The following USP36 variants were observed in gnomAD, a reference collection of about 807,000 sequenced individuals.
USP36 encodes the protein ubiquitin carboxyl-terminal hydrolase 36.
In USP36, 59 loss-of-function variants were observed where a neutral mutation model predicts 111.5. The observed-to-expected ratio is 0.53, with a 90% CI of 0.43 to 0.66. USP36 has a LOEUF of 0.66. Among genes scored for constraint, USP36 ranks in the 30% least tolerant of loss-of-function variants. USP36 has a pLI of 0.00. For missense variants in USP36, 1,488 were observed against 1,468.0 expected (o/e 1.01, Z -0.22); for synonymous variants, 628 against 581.0 (o/e 1.08, Z -1.16).
chr17:78,792,446 C>T (rs983580628), downstream of USP36, among the ~76,000 whole-genome samples: 2 of 152,110 alleles, frequency 1.3e-5, no homozygotes, highest in African/African-American at 2.4e-5. Context: ...ACTACAGTTC[C>T]TTCCCACTCT....
At chr17:78,840,223 CCCCAGG>C (rs1392906853) in intron 1 of USP36, 1 of 152,448 alleles carries the variant, frequency 6.6e-6, no homozygotes, top group Non-Finnish European at 1.5e-5. Context: ...GCCACTCCAG[CCCCAGG>C]CCCAGGACCC....
chr17:78,835,260 T>C lies in USP36; in HGVS notation c.475+20A>G, dbSNP rs751034921. ...TCCAGAGGACCCACAGCCACCCCAC[T>C]GCTGCAAACCCACACTCACAGCTGC... On this transcript the variant is annotated intron_variant, in intron 4 of 20. Transcript: ENST00000449938. The C allele has an allele frequency of 2.5e-6, 4 of 1,611,720 alleles. No homozygotes were observed. The highest frequency in any genetic ancestry group is 3.4e-6 in the Non-Finnish European group (4 of 1,178,972).
chr17:78,828,803 A>T, intron 5 of USP36, 94 bp downstream of exon 5: 1 of 1,281,708 alleles, frequency 7.8e-7, no homozygotes, highest in Non-Finnish European at 1.1e-6. Flanking sequence ...CCAGGAATTT[A>T]AGACCAGCCT....
In USP36 at chr17:78,798,413, G is replaced by C. The variant is rs1312198556; in HGVS notation, c.*7C>G. ...CTCGGAACCGACCTCCTTCCACAGG[G>C]GCACAGTCAGCGGCGATAGCTGAGG... On this transcript the variant is annotated 3_prime_UTR_variant, in exon 20 of 21. Transcript: ENST00000449938. This position sits in a 1 kb window ranked among gnomAD's most constrained non-coding sequence, Gnocchi z 5.1. The C allele has an allele frequency of 6.2e-7, 1 of 1,614,050 alleles. No individual in the cohort carries two copies. Among genetic ancestry groups the C allele is most frequent in the East Asian group, 2.2e-5 (1 of 44,872 alleles).
chr17:78,829,096 G>A, intron 4 of USP36, 89 bp from the exon 5 acceptor site: 1 of 1,150,052 alleles, frequency 8.7e-7, no homozygotes, highest in Non-Finnish European at 1.2e-6. Context: ...AACACAGCCA[G>A]AAACACAAGC....
chr17:78,788,306 A>G (rs1321428429), intron 3 of USP36, among the ~76,000 whole-genome samples: 1 of 152,044 alleles, frequency 6.6e-6, no homozygotes, highest in African/African-American at 2.4e-5. Flanking sequence ...CTGGGACTAC[A>G]GGTATGCGCC....
In USP36 at chr17:78,803,405, G is replaced by C. The variant is rs758375326; in HGVS notation, c.2790C>G (p.His930Gln). 6.2e-7 allele frequency: 1 copy of C among 1,613,728 alleles called. No homozygotes were observed. Among genetic ancestry groups the C allele is most frequent in the South Asian group, 1.1e-5 (1 of 91,070 alleles). ...AEGLGEEGGL[H>Q]QDPLRHSCSP... ...CTTACCTGTGCCGAAGTGGGTCCTG[G>C]TGCAGGCCGCCTTCTTCACCAAGAC... Residue 930 changes from histidine to glutamine, a missense_variant, in exon 16 of 21, where the codon CAC becomes CAG. Coordinates refer to ENST00000449938, the MANE Select transcript of USP36 (RefSeq NM_001385174.1). The surrounding 1 kb of genome is among the most constrained non-coding windows in gnomAD (Gnocchi z 4.6).
At chr17:78,837,539 G>A (rs957698297) in intron 2 of USP36, among the ~76,000 whole-genome samples, 1 of 152,100 alleles carries the variant, frequency 6.6e-6, no homozygotes, top group African/African-American at 2.4e-5. Flanking sequence ...CCCTAACAGA[G>A]GATCGATACT....
intron 6 of USP36, among the ~76,000 whole-genome samples, chr17:78,822,680 G>A (rs1015111064): frequency 6.6e-6 from 1 of 152,156 alleles, no homozygotes; most frequent in Non-Finnish European, 1.5e-5. Flanking sequence ...CGCCTCCCAC[G>A]CCTACGTATC....
At chr17:78,812,614 C>G (rs779609241) in intron 13 of USP36, among the ~76,000 whole-genome samples, 3 of 144,084 alleles carry the variant, frequency 2.1e-5, no homozygotes, top group East Asian at 4.5e-4. Flanking sequence ...GGCGGGAACC[C>G]GGGAGGCAGA....
Position 78,821,127 on chromosome 17 carries a change from G to A in USP36, c.758-66C>T, listed in dbSNP as rs552156146. On this transcript the variant is annotated intron_variant, in intron 7 of 20. Coordinates refer to ENST00000449938, the MANE Select transcript of USP36 (RefSeq NM_001385174.1). ...AGAGGCACTCCCAGCTCCCAAGACC[G>A]AGACCCAGCAGGGAGGCAGACTCTC... 166 of 1,489,462 alleles carry A rather than the reference G, an allele frequency of 1.1e-4. 1 individual carries two copies. The highest frequency in any genetic ancestry group is 4.0e-4 in the African/African-American group (29 of 72,062). 92.3% of individuals were successfully genotyped at this position (1,489,462 alleles called of 1,614,324 possible). A position where few individuals can be genotyped will look rare whatever the true frequency, so the allele number is the denominator to read the frequency against.
intron 12 of USP36, 48 bp from the exon 13 acceptor site, chr17:78,813,049 A>C (rs2094105146): frequency 6.2e-7 from 1 of 1,608,716 alleles, no homozygotes; most frequent in South Asian, 1.1e-5. Context: ...TAGGCATTAC[A>C]GAAACGGAGA....
intron 2 of USP36, among the ~76,000 whole-genome samples, chr17:78,837,833 C>T (rs2068825187): frequency 6.6e-6 from 1 of 152,218 alleles, no homozygotes; most frequent in African/African-American, 2.4e-5. Context: ...AAAGTAAGGA[C>T]TTCCTCCAGC....
intron 13 of USP36, among the ~76,000 whole-genome samples, chr17:78,810,510 G>C (rs972459470): frequency 1.3e-5 from 2 of 152,038 alleles, no homozygotes; most frequent in Non-Finnish European, 2.9e-5. Context: ...GAACTCCTGG[G>C]ATCCACTGAT....
At chr17:78,825,804 C>A (rs554332877) in intron 6 of USP36, among the ~76,000 whole-genome samples, 1 of 152,318 alleles carries the variant, frequency 6.6e-6, no homozygotes, top group African/African-American at 2.4e-5. Flanking sequence ...TGCACTCCCC[C>A]TGCAGGTGCT....
chr17:78,821,389 T>A (rs1182281628), intron 7 of USP36: 5 of 28,514 alleles, frequency 1.8e-4, no homozygotes, highest in East Asian at 7.0e-4. Context: ...CTAATGAGAA[T>A]ATATATATAT....
intron 10 of USP36, among the ~76,000 whole-genome samples, chr17:78,815,658 A>G (rs1191668027): frequency 6.6e-6 from 1 of 152,196 alleles, no homozygotes; most frequent in Admixed American, 6.6e-5. Context: ...CAACTGGATC[A>G]GAAGAAAGGT....
At chr17:78,800,003 C>A (rs1166270770) in intron 17 of USP36, among the ~76,000 whole-genome samples, 1 of 149,168 alleles carries the variant, frequency 6.7e-6, no homozygotes, top group Non-Finnish European at 1.5e-5. Flanking sequence ...TGAGCCATGG[C>A]GCCCAGCCTA....
At chr17:78,839,924 G>A (rs1027218131) in intron 1 of USP36, among the ~76,000 whole-genome samples, 2 of 152,324 alleles carry the variant, frequency 1.3e-5, no homozygotes, top group African/African-American at 4.8e-5. Flanking sequence ...GCACCATTTA[G>A]GCTCATTCCC....
Sources: allele counts gnomAD v4.1 joint callset (sites outside exome capture counted in the v4.1 genomes callset), GRCh38; gene constraint gnomAD v4.1.1; non-coding constraint Gnocchi (gnomAD v3.1); transcripts MANE v1.5; gene names NCBI Gene and HGNC (gene_info 2026-07-23, HGNC 2026-07-21).